RAB38: variants seen among roughly 807,000 people sequenced by gnomAD.
RAB38 encodes the protein RAB38, member RAS oncogene family.
RAB38 carries 15 observed loss-of-function variants against 18.4 expected under a neutral mutation model. The ratio of observed to expected loss-of-function variants is 0.82; its 90% CI spans 0.55 to 1.26. RAB38 has a LOEUF of 1.26. Ranked by LOEUF, RAB38 falls within the 50% of genes most tolerant of loss-of-function variation. The pLI is 0.00. For missense variants in RAB38, 294 were observed against 267.4 expected (o/e 1.10, Z -0.69); for synonymous variants, 101 against 104.4 (o/e 0.97, Z 0.20).
At chr11:88,051,687 C>T in the RAB38 span, among the ~76,000 whole-genome samples, 1 of 152,166 alleles carries the variant, frequency 6.6e-6, no homozygotes, top group Non-Finnish European at 1.5e-5. Flanking sequence ...TTGAAATTAT[C>T]TGACAAAGTC....
the RAB38 span, among the ~76,000 whole-genome samples, chr11:88,003,907 T>C: frequency 9.3e-6 from 1 of 107,484 alleles, no homozygotes; most frequent in South Asian, 2.8e-4. Flanking sequence ...TATAATTATA[T>C]ATTTATATAA....
chr11:88,156,478 C>T (rs185695392), intron 1 of RAB38, among the ~76,000 whole-genome samples: 54 of 152,164 alleles, frequency 3.5e-4, no homozygotes, highest in Admixed American at 1.3e-3. Context: ...CCGAGGCAGG[C>T]GGATCATGAG....
chr11:88,035,096 C>G, the RAB38 span, among the ~76,000 whole-genome samples: 1 of 152,086 alleles, frequency 6.6e-6, no homozygotes, highest in African/African-American at 2.4e-5. Context: ...GGACATTTCT[C>G]TTTTTTTGAT....
At chr11:88,165,253 C>A (rs1251584626) in intron 1 of RAB38, among the ~76,000 whole-genome samples, 1 of 152,072 alleles carries the variant, frequency 6.6e-6, no homozygotes, top group Non-Finnish European at 1.5e-5. Flanking sequence ...TGTAGTTAGA[C>A]AAATCTCAGT....
chr11:88,152,626 T>C lies in RAB38; in HGVS notation c.203-2671A>G, dbSNP rs35796434. 4.5e-3 allele frequency among the ~76,000 whole-genome samples: 680 copies of C among 152,338 alleles called. 3 individuals are homozygous for C. Among genetic ancestry groups the C allele is most frequent in the African/African-American group, 0.015 (642 of 41,578 alleles). On this transcript the variant is annotated intron_variant, in intron 1 of 2. Transcript: ENST00000243662. ...GAGCATTTCTAGCACTCACATTTTC[T>C]CCTTCCTTTGTCAGCTGACAGTCCT...
chr11:88,162,601 C>A (rs1943199281), intron 1 of RAB38, among the ~76,000 whole-genome samples: 1 of 142,876 alleles, frequency 7.0e-6, no homozygotes, highest in African/African-American at 2.6e-5. Flanking sequence ...CTCATTCATT[C>A]ATTTAACAAA....
chr11:88,106,069 C>A, the RAB38 span, among the ~76,000 whole-genome samples: 15 of 152,210 alleles, frequency 9.9e-5, no homozygotes, highest in East Asian at 2.9e-3. Context: ...TGATCCTCAA[C>A]TGTATCTTTT....
At chr11:87,898,643 C>T in the RAB38 span, among the ~76,000 whole-genome samples, 3 of 151,590 alleles carry the variant, frequency 2.0e-5, no homozygotes, top group African/African-American at 7.3e-5. Context: ...TGCATTATTT[C>T]TAGGGTTCCA....
At chr11:88,033,056 G>T in the RAB38 span, among the ~76,000 whole-genome samples, 5 of 152,136 alleles carry the variant, frequency 3.3e-5, no homozygotes, top group Non-Finnish European at 7.4e-5. Context: ...CATAAAAAAT[G>T]ATGAGTTCAT....
the RAB38 span, among the ~76,000 whole-genome samples, chr11:87,822,789 A>G: frequency 6.6e-6 from 1 of 152,370 alleles, no homozygotes; most frequent in East Asian, 1.9e-4. Flanking sequence ...ATCAGGAGGC[A>G]GAGATCATTG....
At chr11:87,817,210 T>C in the RAB38 span, 6 of 152,140 alleles carry the variant, frequency 3.9e-5, no homozygotes, top group Non-Finnish European at 7.4e-5. Context: ...CACAAGACCT[T>C]GCTGAAAACT....
chr11:88,104,982 T>G, the RAB38 span, among the ~76,000 whole-genome samples: 1 of 152,098 alleles, frequency 6.6e-6, no homozygotes, highest in Non-Finnish European at 1.5e-5. Context: ...AATTTTTATT[T>G]TCCATCCTTC....
the RAB38 span, among the ~76,000 whole-genome samples, chr11:88,027,285 G>A: frequency 1.3e-5 from 2 of 152,142 alleles, no homozygotes; most frequent in Non-Finnish European, 2.9e-5. Context: ...ACAGCTCCCA[G>A]TGTGAGCGAC....
the RAB38 span, among the ~76,000 whole-genome samples, chr11:87,887,409 C>T: frequency 1.3e-5 from 2 of 151,396 alleles, no homozygotes; most frequent in East Asian, 2.0e-4. Flanking sequence ...GCATATGCTC[C>T]GCAGAGTGCT....
At chr11:88,083,156 A>G in the RAB38 span, among the ~76,000 whole-genome samples, 1 of 151,900 alleles carries the variant, frequency 6.6e-6, no homozygotes, top group Non-Finnish European at 1.5e-5. Flanking sequence ...GTTTATTAAA[A>G]TATTATCGTT....
the RAB38 span, among the ~76,000 whole-genome samples, chr11:87,873,005 A>G: frequency 6.6e-6 from 1 of 151,578 alleles, no homozygotes; most frequent in East Asian, 2.0e-4. Context: ...TAGTAAAAAT[A>G]TGATTAGTTT....
chr11:87,968,884 C>T, the RAB38 span, among the ~76,000 whole-genome samples: 18,855 of 152,008 alleles, frequency 0.12, 1,236 homozygotes, highest in South Asian at 0.2. Context: ...TAGTAAGACA[C>T]TGGAGATTCA....
At chr11:88,074,062 C>G in the RAB38 span, among the ~76,000 whole-genome samples, 1 of 148,702 alleles carries the variant, frequency 6.7e-6, no homozygotes, top group South Asian at 2.1e-4. Flanking sequence ...AAAAAAAAAT[C>G]TAAGAATTAC....
intron 2 of RAB38, among the ~76,000 whole-genome samples, chr11:88,125,138 T>C (rs1942680290): frequency 6.6e-6 from 1 of 152,340 alleles, no homozygotes; most frequent in Non-Finnish European, 1.5e-5. Flanking sequence ...CCAGACTGTC[T>C]CTTAACTACT....
Sources: allele counts gnomAD v4.1 joint callset (sites outside exome capture counted in the v4.1 genomes callset), GRCh38; gene constraint gnomAD v4.1.1; transcripts MANE v1.5; gene names NCBI Gene and HGNC (gene_info 2026-07-23, HGNC 2026-07-21).